The following HAPSTR1 variants were observed in gnomAD, a reference collection of about 807,000 sequenced individuals.
HAPSTR1 encodes the protein HUWE1-associated protein modifying stress responses 1.
At chr16:9,100,261 A>G in the HAPSTR1 span, among the ~76,000 whole-genome samples, 1 of 152,152 alleles carries the variant, frequency 6.6e-6, no homozygotes, top group African/African-American at 2.4e-5. Flanking sequence ...CTTGTTACAT[A>G]AGTGTCTTAC....
chr16:9,097,396 C>A, the HAPSTR1 span, among the ~76,000 whole-genome samples: 1 of 152,074 alleles, frequency 6.6e-6, no homozygotes, highest in South Asian at 2.1e-4. Flanking sequence ...CACCCATCAC[C>A]ATGCCCAGCT....
chr16:9,112,847 C>G, the HAPSTR1 span: 1 of 152,116 alleles, frequency 6.6e-6, no homozygotes, highest in Admixed American at 6.6e-5. Flanking sequence ...GATACAGACA[C>G]TTTAAAACTG....
the HAPSTR1 span, chr16:9,092,284 C>A: frequency 2.6e-6 from 4 of 1,520,532 alleles, no homozygotes; most frequent in African/African-American, 4.2e-5. Flanking sequence ...AGGCCGCCGC[C>A]GCCATCTTGG....
the HAPSTR1 span, among the ~76,000 whole-genome samples, chr16:9,098,356 C>A: frequency 6.6e-6 from 1 of 152,128 alleles, no homozygotes; most frequent in African/African-American, 2.4e-5. Flanking sequence ...AATATTATCC[C>A]CCTGGTTCCT....
At chr16:9,116,848 C>T in the HAPSTR1 span, 1 of 1,614,158 alleles carries the variant, frequency 6.2e-7, no homozygotes, top group Admixed American at 1.7e-5. Context: ...AGAAAGCGTA[C>T]CTCAGCCCAG....
At chr16:9,116,617 C>G in the HAPSTR1 span, 3 of 1,585,388 alleles carry the variant, frequency 1.9e-6, no homozygotes. Flanking sequence ...GGGTTGCTTT[C>G]AAAAGGGTTA....
chr16:9,116,024 G>A, the HAPSTR1 span, among the ~76,000 whole-genome samples: 1 of 152,192 alleles, frequency 6.6e-6, no homozygotes, highest in African/African-American at 2.4e-5. Flanking sequence ...TGTCCTGAAG[G>A]ATATCTACCA....
At chr16:9,099,762 G>T in the HAPSTR1 span, among the ~76,000 whole-genome samples, 1 of 152,152 alleles carries the variant, frequency 6.6e-6, no homozygotes, top group Non-Finnish European at 1.5e-5. Context: ...GTGTGTGTGT[G>T]TATGAGATTA....
At chr16:9,092,451 C>T in the HAPSTR1 span, among the ~76,000 whole-genome samples, 1 of 151,994 alleles carries the variant, frequency 6.6e-6, no homozygotes, top group South Asian at 2.1e-4. Flanking sequence ...GAGGGAGGCC[C>T]GGGGTTGGGG....
the HAPSTR1 span, among the ~76,000 whole-genome samples, chr16:9,098,692 T>G: frequency 6.6e-6 from 1 of 152,194 alleles, no homozygotes. Context: ...TATTTTTCTG[T>G]GTGGTGGACT....
the HAPSTR1 span, chr16:9,091,836 C>CTGGGGCGGGGGTCGTCCCTGG: frequency 2.6e-6 from 1 of 382,152 alleles, no homozygotes. Context: ...GTGGGAAGGC[C>CTGGGGCGGGGGTCGTCCCTGG]TGGGGCGGGG....
chr16:9,101,202 C>T, the HAPSTR1 span, among the ~76,000 whole-genome samples: 1 of 152,298 alleles, frequency 6.6e-6, no homozygotes, highest in African/African-American at 2.4e-5. Context: ...TTAGGTTTGT[C>T]CACCCCTTTA....
the HAPSTR1 span, chr16:9,091,992 G>A: frequency 2.1e-6 from 3 of 1,427,526 alleles, no homozygotes; most frequent in Non-Finnish European, 2.8e-6. Context: ...CGGGGGCCCC[G>A]CCTGAGGAGG....
chr16:9,096,892 A>T, the HAPSTR1 span, among the ~76,000 whole-genome samples: 102,190 of 152,058 alleles, frequency 0.67, 35,656 homozygotes, highest in African/African-American at 0.87. Context: ...CCTCAGTTAT[A>T]CATAATACTT....
At chr16:9,094,779 G>C in the HAPSTR1 span, among the ~76,000 whole-genome samples, 5 of 152,276 alleles carry the variant, frequency 3.3e-5, no homozygotes, top group South Asian at 1.0e-3. Context: ...TGCTTGAAGG[G>C]GAAGGCAACA....
At chr16:9,102,422 G>A in the HAPSTR1 span, among the ~76,000 whole-genome samples, 1 of 152,246 alleles carries the variant, frequency 6.6e-6, no homozygotes, top group Admixed American at 6.5e-5. Context: ...ACAGGAAGCT[G>A]TTGAGAACTG....
chr16:9,111,195 G>A, the HAPSTR1 span: 1 of 152,176 alleles, frequency 6.6e-6, no homozygotes, highest in East Asian at 1.9e-4. Flanking sequence ...GCAGTGTGTG[G>A]GAACACAGTA....
the HAPSTR1 span, among the ~76,000 whole-genome samples, chr16:9,113,620 T>G: frequency 6.6e-6 from 1 of 152,196 alleles, no homozygotes; most frequent in Non-Finnish European, 1.5e-5. Context: ...GATCTTGATT[T>G]TAATTATTGA....
the HAPSTR1 span, among the ~76,000 whole-genome samples, chr16:9,114,788 C>T: frequency 1.3e-5 from 2 of 152,146 alleles, no homozygotes; most frequent in South Asian, 2.1e-4. Flanking sequence ...TTGTTTACTA[C>T]CTGTTGACCT....
Sources: allele counts gnomAD v4.1 joint callset (sites outside exome capture counted in the v4.1 genomes callset), GRCh38; gene constraint gnomAD v4.1.1; transcripts MANE v1.5; gene names NCBI Gene and HGNC (gene_info 2026-07-23, HGNC 2026-07-21).